The following AGBL1 variants were observed in gnomAD, a reference collection of about 807,000 sequenced individuals.
AGBL1 encodes AGBL carboxypeptidase 1, also known as cytosolic carboxypeptidase 4.
AGBL1 carries 130 observed loss-of-function variants against 118.9 expected under a neutral mutation model. That is an observed-to-expected ratio of 1.09 (90% CI 0.95 to 1.26). The LOEUF is 1.26. Ranked by LOEUF, AGBL1 falls within the 50% of genes most tolerant of loss-of-function variation. AGBL1 has a pLI of 0.00. For missense variants in AGBL1, 1,584 were observed against 1,298.1 expected, an observed-to-expected ratio of 1.22 and a Z score of -3.38; for synonymous variants, 555 against 478.9, an observed-to-expected ratio of 1.16 and a Z score of -2.08.
In AGBL1 at chr15:86,800,418, A is replaced by T. The variant is rs537556096; in HGVS notation, c.3159-106669A>T. The stretch of plus-strand genomic sequence containing the variant: ...AATAGTACATCTTAGAAGACAAGTG[A>T]GAAAAAAGGCCCAGAATTTCCTTTA... On this transcript the variant is annotated intron_variant, in intron 22 of 22. Transcript: ENST00000614907. Among the ~76,000 whole-genome samples, 269 of 152,212 alleles carry T rather than the reference A, an allele frequency of 1.8e-3. 2 individuals carry two copies. The highest frequency in any genetic ancestry group is 6.1e-3 in the African/African-American group (252 of 41,548).
chr15:86,932,642 G>T (rs1350811390), intron 23 of AGBL1, among the ~76,000 whole-genome samples: 1 of 152,048 alleles, frequency 6.6e-6, no homozygotes, highest in African/African-American at 2.4e-5. Context: ...ACAGGGGTTG[G>T]TCCTGAGTCT....
chr15:86,574,022 A>G (rs1240339269), intron 21 of AGBL1, among the ~76,000 whole-genome samples: 1 of 152,028 alleles, frequency 6.6e-6, no homozygotes, highest in Admixed American at 6.5e-5. Flanking sequence ...GAAAACTACC[A>G]GCGACCAAAC....
intron 6 of AGBL1, among the ~76,000 whole-genome samples, chr15:86,227,584 G>T (rs555934015): frequency 1.1e-4 from 16 of 152,344 alleles, no homozygotes; most frequent in African/African-American, 3.4e-4. Context: ...CCCATGGGGG[G>T]TGGACAGTAA....
At chr15:86,652,540 T>A (rs1379596592) in intron 21 of AGBL1, among the ~76,000 whole-genome samples, 1 of 152,188 alleles carries the variant, frequency 6.6e-6, no homozygotes, top group East Asian at 1.9e-4. Context: ...CATAGTTATG[T>A]AGATACCTAC....
At chr15:86,493,233 AC>A (rs1357190041) in intron 18 of AGBL1, among the ~76,000 whole-genome samples, 1 of 151,958 alleles carries the variant, frequency 6.6e-6, no homozygotes, top group African/African-American at 2.4e-5. Flanking sequence ...ATACAAAAAA[AC>A]ATTCAGGAGG....
At chr15:86,275,763 A>T (rs559923247) in intron 15 of AGBL1, among the ~76,000 whole-genome samples, 3 of 152,326 alleles carry the variant, frequency 2.0e-5, no homozygotes, top group South Asian at 4.1e-4. Flanking sequence ...CCAGATGACC[A>T]ATAGGATCCA....
At chr15:86,930,337 A>G (rs750832470) in intron 23 of AGBL1, among the ~76,000 whole-genome samples, 3 of 152,168 alleles carry the variant, frequency 2.0e-5, no homozygotes, top group Non-Finnish European at 4.4e-5. Context: ...GCATGTGACA[A>G]TTTATTTATC....
chr15:86,141,521 C>T (rs1414806213), intron 1 of AGBL1, among the ~76,000 whole-genome samples: 2 of 152,180 alleles, frequency 1.3e-5, no homozygotes, highest in African/African-American at 4.8e-5. Context: ...GGTGGTGGCA[C>T]ATGCCTGTAG....
chr15:86,537,738 T>C (rs2083444983), intron 19 of AGBL1, among the ~76,000 whole-genome samples: 3 of 152,234 alleles, frequency 2.0e-5, no homozygotes, highest in Admixed American at 6.5e-5. Context: ...TTCTAATGGG[T>C]CCATCTGCAA....
At chr15:86,085,394 A>G in intron 1 of AGBL1, among the ~76,000 whole-genome samples, 1 of 152,102 alleles carries the variant, frequency 6.6e-6, no homozygotes, top group East Asian at 1.9e-4. Context: ...AGTTTGGCCA[A>G]ATGCTGGAGG....
chr15:86,603,827 A>T (rs1008632197), intron 21 of AGBL1, among the ~76,000 whole-genome samples: 1 of 152,134 alleles, frequency 6.6e-6, no homozygotes, highest in Non-Finnish European at 1.5e-5. Context: ...TCTGTTTGCC[A>T]TTTGTTTTTG....
intron 22 of AGBL1, among the ~76,000 whole-genome samples, chr15:86,865,411 C>A (rs890314239): frequency 6.6e-6 from 1 of 152,054 alleles, no homozygotes; most frequent in Admixed American, 6.6e-5. Flanking sequence ...TTGGAGGTAC[C>A]CTTTGTTGAA....
rs114628777 is a variant in AGBL1 at position 86,656,138 on chromosome 15, A to T, written c.2995-18135A>T. ...AGGTCTTTGTGTGATGAATTTGGAC[A>T]TATTTCTACTGGCCTTTGTTGAGGA... On this transcript the variant is annotated intron_variant, in intron 21 of 22. Transcript: ENST00000614907. 5.0e-3 allele frequency among the ~76,000 whole-genome samples: 762 copies of T among 152,292 alleles called. 5 individuals are homozygous for T. The highest frequency in any genetic ancestry group is 0.017 in the African/African-American group (715 of 41,548).
chr15:86,408,181 G>A (rs1452553170), intron 18 of AGBL1, among the ~76,000 whole-genome samples: 1 of 152,118 alleles, frequency 6.6e-6, no homozygotes, highest in African/African-American at 2.4e-5. Context: ...ACAAGCTGAA[G>A]AACCTGTAGG....
intron 16 of AGBL1, among the ~76,000 whole-genome samples, chr15:86,286,320 A>G (rs2079446599): frequency 2.0e-5 from 3 of 152,122 alleles, no homozygotes; most frequent in Non-Finnish European, 2.9e-5. Context: ...GAGAACACTT[A>G]AAATTACTCT....
intron 21 of AGBL1, among the ~76,000 whole-genome samples, chr15:86,608,025 C>T (rs191015198): frequency 6.2e-4 from 95 of 152,280 alleles, no homozygotes; most frequent in Admixed American, 2.8e-3. Context: ...CTTCTTTCTG[C>T]GCCTGCATTT....
At chr15:86,902,247 C>T (rs2080221335) in intron 22 of AGBL1, among the ~76,000 whole-genome samples, 1 of 152,152 alleles carries the variant, frequency 6.6e-6, no homozygotes, top group African/African-American at 2.4e-5. Flanking sequence ...AGATCTGGCT[C>T]ATCTATCTCC....
chr15:86,850,612 C>G (rs866757754), intron 22 of AGBL1, among the ~76,000 whole-genome samples: 1 of 152,164 alleles, frequency 6.6e-6, no homozygotes, highest in Admixed American at 6.5e-5. Flanking sequence ...GCCAAACATT[C>G]TTATTAACAC....
At chr15:86,482,923 G>T (rs952467358) in intron 18 of AGBL1, among the ~76,000 whole-genome samples, 7 of 152,012 alleles carry the variant, frequency 4.6e-5, no homozygotes, top group African/African-American at 1.4e-4. Flanking sequence ...TTCTCATAAA[G>T]AGTTACTGTC....
Sources: gnomAD v4.1 joint callset for allele counts (sites outside exome capture counted in the v4.1 genomes callset) on GRCh38, gnomAD v4.1.1 for gene constraint, MANE v1.5 for transcripts, NCBI Gene and HGNC (gene_info 2026-07-23, HGNC 2026-07-21) for gene names.